The following ZNF44 variants were observed in gnomAD, a reference collection of about 807,000 sequenced individuals.
ZNF44 encodes zinc finger protein 44.
In ZNF44, 9 loss-of-function variants were observed where a neutral mutation model predicts 11.7. That is an observed-to-expected ratio of 0.77 (90% confidence interval 0.46 to 1.35). ZNF44 has a LOEUF of 1.35. Among genes scored for constraint, ZNF44 ranks in the 40% most tolerant of loss-of-function variants. The pLI is 0.00. For synonymous variants in ZNF44, 224 were observed against 242.7 expected (o/e 0.92, Z 0.72); for missense variants, 696 against 743.1 (o/e 0.94, Z 0.74).
downstream of ZNF44, among the ~76,000 whole-genome samples, chr19:12,267,893 G>T (rs1330854173): frequency 6.6e-6 from 1 of 150,400 alleles, no homozygotes; most frequent in South Asian, 2.1e-4. Context: ...CTGGAGTACA[G>T]TGGTGTGATC....
chr19:12,284,976 T>C, intron 1 of ZNF44: 1 of 726,366 alleles, frequency 1.4e-6, no homozygotes. Context: ...CTGATACACC[T>C]CAGCCCGGGG....
chr19:12,232,619 G>T (rs1283509194), intron 2 of ZNF44, among the ~76,000 whole-genome samples: 2 of 152,192 alleles, frequency 1.3e-5, no homozygotes, highest in Non-Finnish European at 2.9e-5. Context: ...ATTTAACCCT[G>T]AGTTGACACA....
exon 8 of ZNF44, chr19:12,248,449 A>T (rs199963455): frequency 2.1e-5 from 27 of 1,290,894 alleles, no homozygotes; most frequent in Non-Finnish European, 2.7e-5. Flanking sequence ...TTACATTTAT[A>T]TGGCTTCTCT....
At chr19:12,258,852 C>T (rs572529911) in intron 5 of ZNF44, among the ~76,000 whole-genome samples, 1 of 151,752 alleles carries the variant, frequency 6.6e-6, no homozygotes, top group South Asian at 2.1e-4. Flanking sequence ...ATAAATAACT[C>T]ACTGGTTCAG....
chr19:12,294,609 G>A, intron 1 of ZNF44, 83 bp downstream of exon 1: 1 of 1,516,268 alleles, frequency 6.6e-7, no homozygotes, highest in Non-Finnish European at 8.9e-7. Flanking sequence ...CTGCGGCGAG[G>A]CCCGGGTCCC....
At chr19:12,276,495 G>C (rs1216322701) in intron 1 of ZNF44, among the ~76,000 whole-genome samples, 1 of 152,192 alleles carries the variant, frequency 6.6e-6, no homozygotes, top group Non-Finnish European at 1.5e-5. Context: ...GTGGTGTCTA[G>C]ACAATGTATT....
Position 12,272,149 on chromosome 19 carries a change from A to C in ZNF44, c.*258T>G. The C allele has an allele frequency of 5.6e-6, 2 of 356,630 alleles. No individual in the cohort carries two copies. The highest frequency in any genetic ancestry group is 9.2e-6 in the Non-Finnish European group (2 of 216,672). The allele number at this position is 356,630 out of a possible 1,614,324, so 22.1% of individuals were successfully genotyped here. On this transcript the variant is annotated 3_prime_UTR_variant, in exon 4 of 4. Transcript: ENST00000355684. ...GTAGCTAGGACTACAGGTGTGAGCA[A>C]CTATGCCTGGCTATTTTTTTTTTTT... is the stretch of plus-strand genomic sequence containing the variant.
rs779363886 is a variant in ZNF44, at chr19:12,275,986, G to A, written c.100C>T (p.Arg34Ter). ...SQKNLYRDVMRETIRNLNCIG... is the reference protein window; with the variant it reads ...SQKNLYRDVM Reference sequence around the variant, plus strand: ...CAGTTCAGGTTCCTAATGGTTTCTCGCATCACATCTCTGTAGAGATTCTTC... The same window carrying A: ...CAGTTCAGGTTCCTAATGGTTTCTCACATCACATCTCTGTAGAGATTCTTC... The change falls in exon 2 of 4, where the codon CGA (arginine) becomes TGA (stop). Residue 34 changes from arginine to a stop codon, truncating the protein, a stop_gained. Transcript: ENST00000355684. LOFTEE classifies it high-confidence loss of function. 41 of 1,607,350 alleles carry A rather than the reference G, an allele frequency of 2.6e-5. No homozygotes were observed. Among genetic ancestry groups the A allele is most frequent in the East Asian group, 1.3e-4 (6 of 44,612 alleles).
Position 12,274,044 on chromosome 19 carries a change from ATCTC to A in ZNF44, c.207_210del (p.Glu69AspfsTer15). 6.2e-7 allele frequency: 1 copy of A among 1,612,402 alleles called. No homozygotes were observed. The highest frequency in any genetic ancestry group is 8.5e-7 in the Non-Finnish European group (1 of 1,178,792). On this transcript the variant is annotated frameshift_variant, in exon 4 of 4. Coordinates refer to ENST00000355684, the MANE Select transcript of ZNF44 (RefSeq NM_016264.4). LOFTEE classifies it low-confidence loss of function (END_TRUNC). Reference sequence around the variant, plus strand: ...TGACTACCATCTTTACTTTTACCAAATCTCTCTACCACATCACACCTGTAAAAAA... The same window carrying A: ...TGACTACCATCTTTACTTTTACCAAATCTACCACATCACACCTGTAAAAAA...
At chr19:12,267,333 C>T (rs1996241), downstream of ZNF44, among the ~76,000 whole-genome samples, 31,397 of 151,938 alleles carry the variant, frequency 0.21, 4,224 homozygotes, top group African/African-American at 0.39. Context: ...AGTGAGCCAC[C>T]GTGCCCGGCC....
At chr19:12,235,747 G>A (rs1480817476) in intron 1 of ZNF44, among the ~76,000 whole-genome samples, 1 of 152,160 alleles carries the variant, frequency 6.6e-6, no homozygotes, top group Non-Finnish European at 1.5e-5. Context: ...AGCAGGCAGA[G>A]GTTGTCCTCT....
chr19:12,224,735 T>G (rs1031676079), downstream of ZNF44: 1 of 152,256 alleles, frequency 6.6e-6, no homozygotes, highest in African/African-American at 2.4e-5. Context: ...GAGAGGATTC[T>G]GGCTGGTCAG....
chr19:12,237,481 C>T (rs888882569), exon 1 of ZNF44: 11 of 166,200 alleles, frequency 6.6e-5, no homozygotes, highest in African/African-American at 1.2e-4. Context: ...GTCCCGGGTC[C>T]TCCCTTGGCT....
chr19:12,268,068 C>T (rs1917797040), downstream of ZNF44, among the ~76,000 whole-genome samples: 1 of 151,506 alleles, frequency 6.6e-6, no homozygotes, highest in Non-Finnish European at 1.5e-5. Context: ...AACTCCTAAC[C>T]TCAGGTGATC....
intron 5 of ZNF44, chr19:12,266,425 A>T: frequency 3.8e-6 from 3 of 793,636 alleles, no homozygotes; most frequent in Non-Finnish European, 4.6e-6. Context: ...GAGGGAAAAA[A>T]AACCCAAACC....
At chr19:12,294,575 C>T (rs1968165899) in intron 1 of ZNF44, 117 bp downstream of exon 1, 11 of 1,406,432 alleles carry the variant, frequency 7.8e-6, no homozygotes, top group Non-Finnish European at 1.0e-5. Context: ...GCAGGGGGCG[C>T]TCAGGTCCCA....
intron 1 of ZNF44, among the ~76,000 whole-genome samples, chr19:12,277,355 GAAAGA>G (rs1215020390): frequency 2.0e-5 from 3 of 152,154 alleles, no homozygotes; most frequent in Non-Finnish European, 4.4e-5. Context: ...TGTCGAAGGA[GAAAGA>G]AAAGAAGAGG....
chr19:12,239,965 T>G (rs983081313), upstream of ZNF44, among the ~76,000 whole-genome samples: 12 of 152,158 alleles, frequency 7.9e-5, no homozygotes, highest in African/African-American at 2.9e-4. Context: ...CAGTAAAAAT[T>G]CAGCCAAGAG....
At chr19:12,251,577 G>A (rs987738788) in intron 5 of ZNF44, among the ~76,000 whole-genome samples, 6 of 152,176 alleles carry the variant, frequency 3.9e-5, no homozygotes, top group African/African-American at 1.4e-4. Context: ...GCTCAGGCAT[G>A]AGGAATAAAG....
Sources: gnomAD v4.1 joint callset for allele counts (sites outside exome capture counted in the v4.1 genomes callset) on GRCh38, gnomAD v4.1.1 for gene constraint, MANE v1.5 for transcripts, NCBI Gene and HGNC (gene_info 2026-07-23, HGNC 2026-07-21) for gene names.